Variants in ZNF407 observed in about 807,000 individuals in gnomAD.
ZNF407 encodes the protein zinc finger protein 407.
Under a neutral mutation model 131.2 loss-of-function variants are expected in ZNF407, and 17 were observed. The observed-to-expected ratio is 0.13, with a 90% CI of 0.09 to 0.19. The LOEUF (loss-of-function observed/expected upper bound fraction) is 0.19. Ranked by LOEUF, ZNF407 falls within the 10% of genes least tolerant of loss-of-function variation. The pLI is 1.00. For missense variants in ZNF407, 2,681 were observed against 2,830.6 expected (o/e 0.95, Z 1.20); for synonymous variants, 1,156 against 1,062.0 (o/e 1.09, Z -1.72).
intron 8 of ZNF407, among the ~76,000 whole-genome samples, chr18:75,006,566 A>T (rs1972912763): frequency 6.6e-6 from 1 of 152,172 alleles, no homozygotes; most frequent in African/African-American, 2.4e-5. Flanking sequence ...GTTTTAAAAA[A>T]ATTTTCCTCC....
At chr18:74,729,371 T>C (rs982580986) in intron 3 of ZNF407, among the ~76,000 whole-genome samples, 6 of 152,184 alleles carry the variant, frequency 3.9e-5, no homozygotes, top group African/African-American at 1.4e-4. Context: ...GTTAGCTTGA[T>C]TTCTGTTATT....
In ZNF407 at chr18:75,050,146, A is replaced by T. The variant is rs532447332; in HGVS notation, c.5429-13004A>T. Among the ~76,000 whole-genome samples the T allele has an allele frequency of 5.9e-5, 9 of 152,326 alleles. No homozygotes were observed. The South Asian group carries it at 1.5e-3, about 25-fold the overall frequency. ...TTACATTACATACCAATTTCAGGTG[A>T]TATGAACTGAACTATAATGCATTAA... On this transcript the variant is annotated intron_variant, in intron 8 of 8. Coordinates refer to ENST00000299687, the MANE Select transcript of ZNF407 (RefSeq NM_017757.3).
At chr18:74,792,481 G>A (rs1969844469) in intron 4 of ZNF407, among the ~76,000 whole-genome samples, 1 of 148,698 alleles carries the variant, frequency 6.7e-6, no homozygotes, top group Admixed American at 6.8e-5. Flanking sequence ...ACTAGATAGT[G>A]GCAGACTTAT....
intron 1 of ZNF407, among the ~76,000 whole-genome samples, chr18:74,610,462 A>G (rs1983006688): frequency 1.3e-5 from 2 of 152,148 alleles, no homozygotes; most frequent in Admixed American, 6.5e-5. Context: ...CCATTTAGGT[A>G]ATTACCATTT....
chr18:74,604,505 A>G (rs1982714601), intron 1 of ZNF407, among the ~76,000 whole-genome samples: 1 of 152,212 alleles, frequency 6.6e-6, no homozygotes, highest in Non-Finnish European at 1.5e-5. Context: ...TGGTCCTTGC[A>G]ATTGTCTACA....
chr18:74,878,864 C>G (rs1599216183), intron 5 of ZNF407, among the ~76,000 whole-genome samples: 2 of 136,360 alleles, frequency 1.5e-5, no homozygotes, highest in Admixed American at 1.5e-4. Flanking sequence ...GGCTGCTGAT[C>G]AAACCTAACA....
chr18:74,607,217 G>A (rs1434346272), intron 1 of ZNF407, among the ~76,000 whole-genome samples: 1 of 152,164 alleles, frequency 6.6e-6, no homozygotes, highest in Non-Finnish European at 1.5e-5. Context: ...ACCAGAAACT[G>A]GCTCAGCAGG....
chr18:74,742,620 ATCATT>A (rs1191286058), intron 3 of ZNF407, among the ~76,000 whole-genome samples: 1 of 152,168 alleles, frequency 6.6e-6, no homozygotes, highest in African/African-American at 2.4e-5. Context: ...TTTAGATTAC[ATCATT>A]TTAGGAAGAG....
At chr18:74,996,125 T>C (rs1161868004) in intron 8 of ZNF407, among the ~76,000 whole-genome samples, 1 of 152,186 alleles carries the variant, frequency 6.6e-6, no homozygotes, top group Non-Finnish European at 1.5e-5. Flanking sequence ...AGTAGGATTT[T>C]ATGTTAATCA....
intron 1 of ZNF407, among the ~76,000 whole-genome samples, chr18:74,628,322 A>G (rs1983895078): frequency 6.6e-6 from 1 of 152,098 alleles, no homozygotes; most frequent in African/African-American, 2.4e-5. Context: ...GGATGTGTGC[A>G]ACTATCACCA....
At chr18:74,701,723 A>AT (rs142833944) in intron 3 of ZNF407, among the ~76,000 whole-genome samples, 1 of 151,936 alleles carries the variant, frequency 6.6e-6, no homozygotes, top group Non-Finnish European at 1.5e-5. Context: ...CTCTTAAAAT[A>AT]TTTTTTTCTT....
intron 8 of ZNF407, among the ~76,000 whole-genome samples, chr18:74,988,481 T>G (rs989760670): frequency 2.7e-5 from 4 of 150,690 alleles, no homozygotes; most frequent in East Asian, 1.9e-4. Flanking sequence ...TATATATATA[T>G]AGATAGATAT....
rs773885818 is a variant in ZNF407, at chr18:75,063,912, C to T, written c.6191C>T (p.Ala2064Val). The change falls in exon 9 of 9, where the codon GCA (alanine) becomes GTA (valine). Residue 2064 changes from alanine to valine, a missense_variant. Around this residue, in one of 6 missense-constraint regions of ZNF407, gnomAD observed 620 missense variants for 583.1 expected, o/e 1.06. Coordinates refer to ENST00000299687, the MANE Select transcript of ZNF407 (RefSeq NM_017757.3). This position sits in a 1 kb window ranked among gnomAD's most constrained non-coding sequence, Gnocchi z 6.6. The part of the protein sequence containing the change: ...EVLTQVVHPS[A>V]AMASQERAQV... ...CTCACCCAGGTGGTCCATCCCTCAGCAGCCATGGCCTCTCAGGAGCGGGCA... is the reference window on the plus strand; with the variant it reads ...CTCACCCAGGTGGTCCATCCCTCAGTAGCCATGGCCTCTCAGGAGCGGGCA... 1.2e-6 allele frequency: 2 copies of T among 1,613,628 alleles called. No individual in the cohort carries two copies. The highest frequency in any genetic ancestry group is 1.7e-6 in the Non-Finnish European group (2 of 1,179,862).
intron 4 of ZNF407, among the ~76,000 whole-genome samples, chr18:74,851,439 A>G (rs1970781998): frequency 6.6e-6 from 1 of 152,334 alleles, no homozygotes; most frequent in Admixed American, 6.5e-5. Context: ...GTGGTTACAC[A>G]TTTATGTATT....
At chr18:75,005,696 G>GC (rs1972900546) in intron 8 of ZNF407, among the ~76,000 whole-genome samples, 5 of 56,014 alleles carry the variant, frequency 8.9e-5, no homozygotes, top group African/African-American at 3.5e-4. Flanking sequence ...TGTCATCCCC[G>GC]CCACCCCCCC....
intron 4 of ZNF407, among the ~76,000 whole-genome samples, chr18:74,845,721 C>T (rs1267545721): frequency 4.6e-5 from 7 of 152,182 alleles, no homozygotes; most frequent in Admixed American, 1.3e-4. Flanking sequence ...TTTAACTGTA[C>T]AGCATGAGCT....
intron 1 of ZNF407, among the ~76,000 whole-genome samples, chr18:74,613,607 T>C (rs1983157732): frequency 6.6e-6 from 1 of 152,240 alleles, no homozygotes; most frequent in African/African-American, 2.4e-5. Context: ...CATGTAGTAC[T>C]TGTAGGAGAT....
chr18:74,940,050 A>G (rs759927193), intron 8 of ZNF407, among the ~76,000 whole-genome samples: 20 of 152,232 alleles, frequency 1.3e-4, no homozygotes, highest in Non-Finnish European at 4.4e-5. Context: ...TCTCTGCCAC[A>G]GTACCTTTCA....
At chr18:74,722,340 A>T (rs1265379667) in intron 3 of ZNF407, among the ~76,000 whole-genome samples, 1 of 151,990 alleles carries the variant, frequency 6.6e-6, no homozygotes, top group Non-Finnish European at 1.5e-5. Context: ...TTTTAAAATA[A>T]TTTTTGCGTG....
Sources: allele counts gnomAD v4.1 joint callset (sites outside exome capture counted in the v4.1 genomes callset), GRCh38; gene constraint gnomAD v4.1.1; regional missense constraint gnomAD v4.1.1; non-coding constraint Gnocchi (gnomAD v3.1); transcripts MANE v1.5; gene names NCBI Gene and HGNC (gene_info 2026-07-23, HGNC 2026-07-21).